Variants in LRRC72 observed in about 807,000 individuals in gnomAD.
LRRC72 encodes the protein leucine rich repeat containing 72, also known as leucine-rich repeat-containing protein 72.
In LRRC72, 41 loss-of-function variants were observed where a neutral mutation model predicts 35.8. The ratio of observed to expected loss-of-function variants is 1.15; its 90% CI spans 0.89 to 1.49. The LOEUF is 1.49. Among genes scored for constraint, LRRC72 ranks in the 40% most tolerant of loss-of-function variants. LRRC72 has a pLI of 0.00. For missense variants in LRRC72, 389 were observed against 330.7 expected, an observed-to-expected ratio of 1.18 and a Z score of -1.37; for synonymous variants, 118 against 119.2, an observed-to-expected ratio of 0.99 and a Z score of 0.07.
At chr7:16,581,290 C>A in intron 8 of LRRC72, 34 bp from the exon 9 acceptor site, 1 of 1,409,884 alleles carries the variant, frequency 7.1e-7, no homozygotes, top group Non-Finnish European at 9.3e-7. Flanking sequence ...TTTTTGATTG[C>A]TTTTTTTCTG....
At chr7:16,560,046 T>G (rs1376041726) in intron 5 of LRRC72, among the ~76,000 whole-genome samples, 1 of 152,092 alleles carries the variant, frequency 6.6e-6, no homozygotes, top group African/African-American at 2.4e-5. Context: ...CTCAATAAAC[T>G]TATGGTCTTG....
At chr7:16,562,235 G>A (rs1266402733) in intron 5 of LRRC72, among the ~76,000 whole-genome samples, 1 of 152,034 alleles carries the variant, frequency 6.6e-6, no homozygotes, top group African/African-American at 2.4e-5. Context: ...TCTCTTTCTA[G>A]CTCAGTTTTC....
chr7:16,532,416 G>A (rs986613252), intron 1 of LRRC72, 79 bp from the exon 2 acceptor site: 11 of 937,632 alleles, frequency 1.2e-5, no homozygotes, highest in Admixed American at 2.0e-5. Flanking sequence ...TCTTGTAGAC[G>A]TTATTGTTAC....
Position 16,550,460 on chromosome 7 carries a change from G to C in LRRC72, c.235-6900G>C, listed in dbSNP as rs184174669. Among the ~76,000 whole-genome samples, 881 of 152,170 alleles carry C rather than the reference G, an allele frequency of 5.8e-3. 6 individuals are homozygous for C. The highest frequency in any genetic ancestry group is 8.6e-3 in the Non-Finnish European group (582 of 67,992). Reference sequence around the variant, plus strand: ...ACAGTAGTCACAGAATAAACAATAAGACCCAACCTCCTTACTCCTTTTCTT... The same window carrying C: ...ACAGTAGTCACAGAATAAACAATAACACCCAACCTCCTTACTCCTTTTCTT... On this transcript the variant is annotated intron_variant, in intron 3 of 8. Coordinates refer to ENST00000401542, the MANE Select transcript of LRRC72 (RefSeq NM_001195280.2).
In LRRC72 at chr7:16,555,181, C is replaced by A. The variant is rs147166621; in HGVS notation, c.235-2179C>A. ...ATTTGGTGAAATTACTAATGGTCTT[C>A]CAGGAGGAGTGCTGGCATAATTTGG... On this transcript the variant is annotated intron_variant, in intron 3 of 8. Transcript: ENST00000401542. Among the ~76,000 whole-genome samples, 1,334 of 152,286 alleles carry A rather than the reference C, an allele frequency of 8.8e-3. 25 individuals are homozygous for A. Among genetic ancestry groups the A allele is most frequent in the African/African-American group, 0.03 (1,237 of 41,544 alleles).
At chr7:16,547,924 T>C (rs1485370914) in intron 3 of LRRC72, among the ~76,000 whole-genome samples, 1 of 152,212 alleles carries the variant, frequency 6.6e-6, no homozygotes, top group Admixed American at 6.5e-5. Context: ...GGAAAGGGCC[T>C]AAAGGCTGAG....
chr7:16,580,242 C>T (rs1428924606), intron 8 of LRRC72, 141 bp downstream of exon 8: 1 of 186,206 alleles, frequency 5.4e-6, no homozygotes, highest in Admixed American at 6.0e-5. Flanking sequence ...ATTGCTAGGT[C>T]TTTCTGTGAT....
At chr7:16,542,135 T>A (rs1782368462) in intron 3 of LRRC72, among the ~76,000 whole-genome samples, 1 of 152,084 alleles carries the variant, frequency 6.6e-6, no homozygotes, top group Admixed American at 6.6e-5. Context: ...GGGAGAGGTA[T>A]AATTAGGGAT....
intron 5 of LRRC72, among the ~76,000 whole-genome samples, chr7:16,565,795 T>C (rs1367105568): frequency 5.3e-5 from 8 of 152,180 alleles, no homozygotes; most frequent in Admixed American, 5.2e-4. Context: ...CCTGCTGAGA[T>C]CTGAAGCTAC....
At chr7:16,528,396 G>A (rs1782109666) in intron 1 of LRRC72, among the ~76,000 whole-genome samples, 1 of 151,848 alleles carries the variant, frequency 6.6e-6, no homozygotes, top group Non-Finnish European at 1.5e-5. Flanking sequence ...TGACCAGTCT[G>A]TTCCACCAGG....
chr7:16,562,399 T>A (rs2128337745), intron 5 of LRRC72, among the ~76,000 whole-genome samples: 1 of 152,338 alleles, frequency 6.6e-6, no homozygotes, highest in Admixed American at 6.5e-5. Flanking sequence ...ACAAAATGCT[T>A]AATCCACTCT....
At chr7:16,552,927 G>T (rs1782580426) in intron 3 of LRRC72, among the ~76,000 whole-genome samples, 1 of 152,132 alleles carries the variant, frequency 6.6e-6, no homozygotes, top group Non-Finnish European at 1.5e-5. Context: ...ATAATCGTGG[G>T]TAAATTACTT....
intron 5 of LRRC72, among the ~76,000 whole-genome samples, chr7:16,560,125 C>G (rs748157305): frequency 9.9e-5 from 15 of 152,140 alleles, no homozygotes; most frequent in Non-Finnish European, 1.9e-4. Context: ...AGGTAAAAGA[C>G]CTACAGATCA....
intron 6 of LRRC72, among the ~76,000 whole-genome samples, chr7:16,567,151 G>C (rs1465783112): frequency 2.0e-5 from 3 of 152,102 alleles, no homozygotes; most frequent in South Asian, 2.1e-4. Context: ...TGTGTTAAAG[G>C]GTGTTTGGGA....
intron 3 of LRRC72, among the ~76,000 whole-genome samples, chr7:16,546,224 T>A (rs1001334175): frequency 6.6e-6 from 1 of 152,216 alleles, no homozygotes; most frequent in Admixed American, 6.5e-5. Flanking sequence ...CATACTGTTT[T>A]AGTTAACACA....
chr7:16,552,417 A>C (rs531370857), intron 3 of LRRC72, among the ~76,000 whole-genome samples: 63 of 152,306 alleles, frequency 4.1e-4, no homozygotes, highest in African/African-American at 1.5e-3. Context: ...TGTGTGCAGA[A>C]AAAGAGGACA....
At chr7:16,576,149 A>G (rs1783036471) in intron 7 of LRRC72, among the ~76,000 whole-genome samples, 1 of 152,236 alleles carries the variant, frequency 6.6e-6, no homozygotes, top group Admixed American at 6.5e-5. Flanking sequence ...AGGCCGCTAT[A>G]TCATAGCAAC....
chr7:16,567,047 A>C (rs1340450736), intron 6 of LRRC72, among the ~76,000 whole-genome samples: 1 of 152,112 alleles, frequency 6.6e-6, no homozygotes, highest in Non-Finnish European at 1.5e-5. Flanking sequence ...TTTCTATAGG[A>C]TACATCGGAA....
intron 7 of LRRC72, among the ~76,000 whole-genome samples, chr7:16,569,157 G>C (rs1301167435): frequency 6.6e-6 from 1 of 152,176 alleles, no homozygotes; most frequent in Non-Finnish European, 1.5e-5. Context: ...GCCAGGTGCG[G>C]TGGTTCACAC....
Sources: gnomAD v4.1 joint callset for allele counts (sites outside exome capture counted in the v4.1 genomes callset) on GRCh38, gnomAD v4.1.1 for gene constraint, MANE v1.5 for transcripts, NCBI Gene and HGNC (gene_info 2026-07-23, HGNC 2026-07-21) for gene names.